Variants in AGPS observed in about 807,000 individuals in gnomAD.
The protein encoded by AGPS is alkylglycerone phosphate synthase.
AGPS carries 26 observed loss-of-function variants against 90.7 expected under a neutral mutation model. That is an observed-to-expected ratio of 0.29 (90% CI 0.21 to 0.40). The LOEUF is 0.40. Among genes scored for constraint, AGPS ranks in the 10% least tolerant of loss-of-function variants. AGPS has a pLI of 1.00. For synonymous variants in AGPS, 294 were observed against 285.3 expected, an observed-to-expected ratio of 1.03 and a Z score of -0.31; for missense variants, 540 against 816.1, an observed-to-expected ratio of 0.66 and a Z score of 4.12.
intron 8 of AGPS, among the ~76,000 whole-genome samples, chr2:177,456,220 T>G (rs559087901): frequency 6.6e-6 from 1 of 152,334 alleles, no homozygotes; most frequent in East Asian, 1.9e-4. Context: ...ATTAATTGTA[T>G]GAGTAAATCT....
At chr2:177,533,311 A>G (rs1233285168) in intron 19 of AGPS, among the ~76,000 whole-genome samples, 1 of 152,206 alleles carries the variant, frequency 6.6e-6, no homozygotes, top group African/African-American at 2.4e-5. Context: ...TTTCAGCTGT[A>G]GCATAGGTTA....
intron 1 of AGPS, chr2:177,393,337 T>A: frequency 1.0e-6 from 1 of 985,430 alleles, no homozygotes; most frequent in African/African-American, 1.7e-5. Flanking sequence ...GAGCTTTTAG[T>A]GCCAGGAATT....
At chr2:177,512,583 G>A (rs6710575) in intron 16 of AGPS, among the ~76,000 whole-genome samples, 109,433 of 152,064 alleles carry the variant, frequency 0.72, 39,667 homozygotes, top group Admixed American at 0.78. Flanking sequence ...TCAAGTCTGC[G>A]TCTTGAGACT....
At chr2:177,489,087 CTT>C (rs373471623) in intron 11 of AGPS, among the ~76,000 whole-genome samples, 6 of 139,946 alleles carry the variant, frequency 4.3e-5, no homozygotes, top group African/African-American at 7.9e-5. Flanking sequence ...TTTGATGTTT[CTT>C]TTTTTTTTTT....
intron 19 of AGPS, among the ~76,000 whole-genome samples, chr2:177,534,107 G>T (rs966132043): frequency 1.3e-5 from 2 of 152,154 alleles, no homozygotes; most frequent in African/African-American, 4.8e-5. Flanking sequence ...GTGACCAGCA[G>T]ACGCTGGATT....
intron 1 of AGPS, among the ~76,000 whole-genome samples, chr2:177,413,773 TAC>T (rs1480781787): frequency 6.6e-6 from 1 of 152,236 alleles, no homozygotes; most frequent in Non-Finnish European, 1.5e-5. Context: ...GAATGGCAGG[TAC>T]CAAGCTTGTG....
chr2:177,411,022 G>A (rs945611716), intron 1 of AGPS, among the ~76,000 whole-genome samples: 32 of 152,052 alleles, frequency 2.1e-4, no homozygotes, highest in East Asian at 3.9e-4. Flanking sequence ...CCAGCCTTTC[G>A]GTGTTCCAGA....
At chr2:177,527,626 A>G (rs1239752959) in intron 19 of AGPS, among the ~76,000 whole-genome samples, 1 of 152,122 alleles carries the variant, frequency 6.6e-6, no homozygotes, top group Non-Finnish European at 1.5e-5. Context: ...ACATGTCAGC[A>G]GTATCAGGTA....
At chr2:177,502,807 G>A (rs577161026) in intron 14 of AGPS, among the ~76,000 whole-genome samples, 3 of 152,116 alleles carry the variant, frequency 2.0e-5, no homozygotes, top group Admixed American at 2.0e-4. Context: ...CCAGTTTTCT[G>A]TAGGCACTAA....
chr2:177,506,182 C>G (rs1344536334), intron 15 of AGPS, among the ~76,000 whole-genome samples: 1 of 150,606 alleles, frequency 6.6e-6, no homozygotes, highest in African/African-American at 2.4e-5. Flanking sequence ...GTAACAAATT[C>G]AAATTTCTTA....
intron 17 of AGPS, among the ~76,000 whole-genome samples, chr2:177,516,671 A>G (rs1689031009): frequency 6.6e-6 from 1 of 152,266 alleles, no homozygotes; most frequent in South Asian, 2.1e-4. Flanking sequence ...TGTGTAATAC[A>G]TAGATGCTGG....
intron 1 of AGPS, among the ~76,000 whole-genome samples, chr2:177,394,977 G>A (rs1685132018): frequency 6.6e-6 from 1 of 152,136 alleles, no homozygotes; most frequent in African/African-American, 2.4e-5. Context: ...ATGCTAGGAG[G>A]TAAATTTTCC....
intron 19 of AGPS, among the ~76,000 whole-genome samples, chr2:177,536,744 CA>C: frequency 6.6e-6 from 1 of 152,208 alleles, no homozygotes; most frequent in African/African-American, 2.4e-5. Context: ...TTAATACCAG[CA>C]ATACCTTTTT....
In AGPS at chr2:177,538,394, T is replaced by C. The variant is rs1437535454; in HGVS notation, c.*199T>C. 2 of 615,020 alleles carry C rather than the reference T, an allele frequency of 3.3e-6. No homozygotes were observed. The highest frequency in any genetic ancestry group is 2.0e-5 in the South Asian group (1 of 49,458). 38.1% of individuals were successfully genotyped at this position (615,020 alleles called of 1,614,324 possible). ...AGATAGTATTCCTAAATCTCTCTCA[T>C]TGTAGGTACATCATTTTACATTCAG... On this transcript the variant is annotated 3_prime_UTR_variant, in exon 20 of 20. Coordinates refer to ENST00000264167, the MANE Select transcript of AGPS (RefSeq NM_003659.4).
At chr2:177,416,686 C>G (rs1685795559) in intron 1 of AGPS, among the ~76,000 whole-genome samples, 1 of 151,778 alleles carries the variant, frequency 6.6e-6, no homozygotes, top group Non-Finnish European at 1.5e-5. Flanking sequence ...CCACTACACC[C>G]AGCTAATTTT....
At chr2:177,485,162 T>G (rs757314102) in intron 11 of AGPS, among the ~76,000 whole-genome samples, 1 of 152,210 alleles carries the variant, frequency 6.6e-6, no homozygotes, top group Non-Finnish European at 1.5e-5. Flanking sequence ...TCGTGTTCAG[T>G]CTGTATTGAC....
chr2:177,489,997 C>T (rs960031524), intron 11 of AGPS, among the ~76,000 whole-genome samples: 2 of 152,146 alleles, frequency 1.3e-5, no homozygotes, highest in African/African-American at 4.8e-5. Flanking sequence ...GAATTTAGAG[C>T]TCAAATTCTC....
chr2:177,393,361 G>A (rs1685079717), intron 1 of AGPS: 2 of 985,240 alleles, frequency 2.0e-6, no homozygotes, highest in African/African-American at 3.5e-5. Flanking sequence ...TTTTTATCTT[G>A]AATTAATACT....
intron 17 of AGPS, among the ~76,000 whole-genome samples, chr2:177,516,610 A>T (rs991129893): frequency 6.6e-6 from 1 of 152,176 alleles, no homozygotes. Context: ...AATCAGGCCC[A>T]TCAAGCTTTG....
Sources: allele counts gnomAD v4.1 joint callset (sites outside exome capture counted in the v4.1 genomes callset), GRCh38; gene constraint gnomAD v4.1.1; transcripts MANE v1.5; gene names NCBI Gene and HGNC (gene_info 2026-07-23, HGNC 2026-07-21).